The following FBLN1 variants were observed in gnomAD, a reference collection of about 807,000 sequenced individuals.
FBLN1 encodes fibulin-1.
FBLN1 carries 34 observed loss-of-function variants against 89.7 expected under a neutral mutation model. The observed-to-expected ratio is 0.38, with a 90% CI of 0.29 to 0.50. FBLN1 has a LOEUF of 0.50. Ranked by LOEUF, FBLN1 falls within the 20% of genes least tolerant of loss-of-function variation. The probability of loss-of-function intolerance (pLI) is 0.92; values close to 1 mark genes in which losing one functional copy is unlikely to be tolerated. For synonymous variants in FBLN1, 393 were observed against 391.3 expected (o/e 1.00, Z -0.05); for missense variants, 777 against 988.1 (o/e 0.79, Z 2.86).
rs959736429 is a variant in FBLN1, at chr22:45,549,593, G to T, written c.1573+849G>T. Among the ~76,000 whole-genome samples the T allele has an allele frequency of 2.0e-5, 3 of 152,242 alleles. No homozygotes were observed. The highest frequency in any genetic ancestry group is 2.9e-5 in the Non-Finnish European group (2 of 68,042). ...GAGCAAATGACTTTTCTCCTGGCCA[G>T]GCTCCCTCACCACAGCCTGGGGTCC... On this transcript the variant is annotated intron_variant, in intron 13 of 16. Coordinates refer to ENST00000327858, the MANE Select transcript of FBLN1 (RefSeq NM_006486.3). This position sits in a 1 kb window ranked among gnomAD's most constrained non-coding sequence, Gnocchi z 5.7.
At chr22:45,593,313 C>A (rs996578728) in intron 16 of FBLN1, among the ~76,000 whole-genome samples, 1 of 152,118 alleles carries the variant, frequency 6.6e-6, no homozygotes, top group African/African-American at 2.4e-5. Context: ...CCCACTGCAC[C>A]CGAGCACTTC....
intron 1 of FBLN1, among the ~76,000 whole-genome samples, chr22:45,506,613 A>T (rs2088024218): frequency 6.6e-6 from 1 of 152,138 alleles, no homozygotes; most frequent in Non-Finnish European, 1.5e-5. Flanking sequence ...GGCTGGGAGG[A>T]TGGGGGAAAG....
chr22:45,560,167 C>CA (rs554186953), intron 14 of FBLN1, among the ~76,000 whole-genome samples: 11 of 152,224 alleles, frequency 7.2e-5, no homozygotes, highest in Non-Finnish European at 1.5e-4. Context: ...ACAGAAGCTA[C>CA]ACCCACCTTG....
At position 45,531,366 on chromosome 22, in the gene FBLN1, C is replaced by T. The variant is rs1421777999; in HGVS notation, c.544+42C>T. The T allele has an allele frequency of 2.6e-6, 4 of 1,567,996 alleles. No individual in the cohort carries two copies. The highest frequency in any genetic ancestry group is 4.5e-5 in the East Asian group (2 of 44,594). On this transcript the variant is annotated intron_variant, in intron 5 of 16. Transcript: ENST00000327858. The surrounding 1 kb of genome is among the most constrained non-coding windows in gnomAD (Gnocchi z 4.9). ...TCCCATCAGTTGGTATTTAAACAAACCCCAAGGGGCCAGCAAGGTGGCTCA... is the reference window on the plus strand; with the variant it reads ...TCCCATCAGTTGGTATTTAAACAAATCCCAAGGGGCCAGCAAGGTGGCTCA...
intron 14 of FBLN1, chr22:45,558,451 C>T (rs889770496): frequency 1.1e-4 from 18 of 168,824 alleles, no homozygotes; most frequent in African/African-American, 3.8e-4. Flanking sequence ...GCCTAGAGAC[C>T]GCCACTGTGA....
rs369075764 is a variant in FBLN1 at position 45,600,923 on chromosome 22, A to C, written c.*477A>C. The C allele has an allele frequency of 4.0e-5, 8 of 201,576 alleles. No individual in the cohort carries two copies. The South Asian group carries it at 5.1e-4, about 13-fold the overall frequency. The allele number at this position is 201,576 out of a possible 1,614,324, so 12.5% of individuals were successfully genotyped here. ...CAGACGTGGATGATAAATTATCCCC[A>C]GAAGCAGCATGACAGAATGCCTCGG... On this transcript the variant is annotated 3_prime_UTR_variant, in exon 17 of 17. Transcript: ENST00000327858.
rs910782526 is a variant in FBLN1, at chr22:45,532,676, C to T, written c.545-387C>T. 9.2e-5 allele frequency among the ~76,000 whole-genome samples: 14 copies of T among 152,008 alleles called. No homozygotes were observed. The highest frequency in any genetic ancestry group is 2.7e-4 in the African/African-American group (11 of 41,374). On this transcript the variant is annotated intron_variant, in intron 5 of 16. Coordinates refer to ENST00000327858, the MANE Select transcript of FBLN1 (RefSeq NM_006486.3). This position sits in a 1 kb window ranked among gnomAD's most constrained non-coding sequence, Gnocchi z 4.2. ...GTGGGCTTGGAGCAGTGGGACAGCTCGAGAGTTCAGTGAGGAGCAGGTACA... is the reference window on the plus strand; with the variant it reads ...GTGGGCTTGGAGCAGTGGGACAGCTTGAGAGTTCAGTGAGGAGCAGGTACA...
chr22:45,592,057 C>G lies in FBLN1; in HGVS notation c.1973-8250C>G, dbSNP rs114581053. ...AGGAGATGTAGTGGGATGGGAAGAT[C>G]TGGGCTCTGAGGTCAGTCCCCGCTG... On this transcript the variant is annotated intron_variant, in intron 16 of 16. Coordinates refer to ENST00000327858, the MANE Select transcript of FBLN1 (RefSeq NM_006486.3). 2.6e-3 allele frequency among the ~76,000 whole-genome samples: 401 copies of G among 151,698 alleles called. 9 individuals carry two copies. The highest frequency in any genetic ancestry group is 9.3e-3 in the African/African-American group (380 of 41,004).
chr22:45,571,111 C>CAAAAAAAAAAAAAA (rs542647353), intron 14 of FBLN1, among the ~76,000 whole-genome samples: 159 of 70,750 alleles, frequency 2.2e-3, no homozygotes, highest in Non-Finnish European at 2.5e-3. Context: ...ACAAGAGTCT[C>CAAAAAAAAAAAAAA]AAAAAAAAAA....
intron 2 of FBLN1, among the ~76,000 whole-genome samples, chr22:45,521,834 G>A (rs750149461): frequency 1.3e-5 from 2 of 152,186 alleles, no homozygotes; most frequent in African/African-American, 2.4e-5. Context: ...AATGAGTTTT[G>A]TATAGATTTT....
chr22:45,559,090 T>C (rs1347134205), intron 14 of FBLN1, among the ~76,000 whole-genome samples: 2 of 152,264 alleles, frequency 1.3e-5, no homozygotes, highest in South Asian at 2.1e-4. Context: ...TGAAGGTATA[T>C]TGCTGGCCTT....
At chr22:45,593,560 C>A (rs6007097) in intron 16 of FBLN1, among the ~76,000 whole-genome samples, 2 of 151,990 alleles carry the variant, frequency 1.3e-5, no homozygotes, top group East Asian at 1.9e-4. Context: ...GCACTGTGGC[C>A]TTTTTTTTCT....
rs200450059 is a variant in FBLN1, at chr22:45,541,256, C to T, written c.950C>T (p.Ala317Val). Reference sequence around the variant, plus strand: ...ATCAATGAGTGTTTGAGTATCAGTGCCCCGTGCCCTATCGGGCATACATGC... The same window carrying T: ...ATCAATGAGTGTTTGAGTATCAGTGTCCCGTGCCCTATCGGGCATACATGC... ...IDINECLSIS[A>V]PCPIGHTCIN... The change falls in exon 9 of 17, where the codon GCC becomes GTC. Residue 317 changes from alanine to valine, a missense_variant. Coordinates refer to ENST00000327858, the MANE Select transcript of FBLN1 (RefSeq NM_006486.3). 6.2e-6 allele frequency: 10 copies of T among 1,614,208 alleles called. No individual in the cohort carries two copies. The East Asian group carries it at 2.0e-4, about 32-fold the overall frequency.
chr22:45,554,147 G>A (rs2088745087), intron 14 of FBLN1, among the ~76,000 whole-genome samples: 3 of 152,246 alleles, frequency 2.0e-5, no homozygotes, highest in South Asian at 2.1e-4. Context: ...CCAGTAGAGC[G>A]GGAGGACGAT....
chr22:45,533,914 C>T lies in FBLN1; in HGVS notation c.784+16C>T, dbSNP rs911021376. Reference sequence around the variant, plus strand: ...AGCTGCAAAGGTACAGCATGCGCTCCGAGTCTGCAAACCTGGTCTTCCAGG... The same window carrying T: ...AGCTGCAAAGGTACAGCATGCGCTCTGAGTCTGCAAACCTGGTCTTCCAGG... On this transcript the variant is annotated intron_variant, in intron 7 of 16. Coordinates refer to ENST00000327858, the MANE Select transcript of FBLN1 (RefSeq NM_006486.3). The T allele has an allele frequency of 2.0e-5, 32 of 1,613,446 alleles. No individual in the cohort carries two copies. Among genetic ancestry groups the T allele is most frequent in the Non-Finnish European group, 2.6e-5 (31 of 1,179,900 alleles).
intron 14 of FBLN1, among the ~76,000 whole-genome samples, chr22:45,571,434 A>G (rs895988005): frequency 2.6e-5 from 4 of 152,264 alleles, no homozygotes; most frequent in African/African-American, 9.6e-5. Flanking sequence ...TATAGTATGA[A>G]TTACTGGATA....
intron 9 of FBLN1, 26 bp from the exon 10 acceptor site, chr22:45,542,128 AT>A (rs1240546335): frequency 6.2e-7 from 1 of 1,614,010 alleles, no homozygotes; most frequent in Non-Finnish European, 8.5e-7. Flanking sequence ...AAAGGTTTTC[AT>A]CATGGCTTTC....
rs144033354 is a variant in FBLN1 at position 45,568,414 on chromosome 22, C to T, written c.1698-6097C>T. Among the ~76,000 whole-genome samples the T allele has an allele frequency of 2.1e-3, 189 of 88,020 alleles. 4 individuals carry two copies. The East Asian group carries it at 0.058, about 27-fold the overall frequency. The allele number at this position is 88,020 out of a possible 152,430, so 57.7% of individuals were successfully genotyped here. ...AATGCCTCTTCTGTAGGGGAGTGCT[C>T]TTTCTGTAGGGGAGTGCTCCTTCTG... is the stretch of plus-strand genomic sequence containing the variant. On this transcript the variant is annotated intron_variant, in intron 14 of 16. Transcript: ENST00000327858.
rs553637517 is a variant in FBLN1, at chr22:45,550,967, G to A, written c.1697+352G>A. ...ATCTGTAACATGCAGATGTCAGAAC[G>A]TGCTCTGACTGAGATGCATAGGTAG... On this transcript the variant is annotated intron_variant, in intron 14 of 16. Coordinates refer to ENST00000327858, the MANE Select transcript of FBLN1 (RefSeq NM_006486.3). The surrounding 1 kb of genome is among the most constrained non-coding windows in gnomAD (Gnocchi z 8.4). 6 of 383,308 alleles carry A rather than the reference G, an allele frequency of 1.6e-5. No homozygotes were observed. The highest frequency in any genetic ancestry group is 7.4e-5 in the Admixed American group (2 of 27,110). The allele number at this position is 383,308 out of a possible 1,614,324, so 23.7% of individuals were successfully genotyped here. A position where few individuals can be genotyped will look rare whatever the true frequency, so the allele number is the denominator to read the frequency against.
Sources: allele counts gnomAD v4.1 joint callset (sites outside exome capture counted in the v4.1 genomes callset), GRCh38; gene constraint gnomAD v4.1.1; non-coding constraint Gnocchi (gnomAD v3.1); transcripts MANE v1.5; gene names NCBI Gene and HGNC (gene_info 2026-07-23, HGNC 2026-07-21).